Variants in LRMDA observed in about 807,000 individuals in gnomAD.
LRMDA encodes leucine rich melanocyte differentiation associated.
In LRMDA, 18 loss-of-function variants were observed where a neutral mutation model predicts 29.8. The ratio of observed to expected loss-of-function variants is 0.60; its 90% CI spans 0.42 to 0.90. The LOEUF (loss-of-function observed/expected upper bound fraction) is 0.90, where lower values mean the gene tolerates loss of function less well. Among genes scored for constraint, LRMDA ranks in the 40% least tolerant of loss-of-function variants. LRMDA has a pLI of 0.00. For synonymous variants in LRMDA, 125 were observed against 109.4 expected, an observed-to-expected ratio of 1.14 and a Z score of -0.89; for missense variants, 273 against 273.9, an observed-to-expected ratio of 1.00 and a Z score of 0.02.
chr10:75,961,843 A>G (rs758507646), intron 2 of LRMDA, among the ~76,000 whole-genome samples: 5 of 152,212 alleles, frequency 3.3e-5, no homozygotes, highest in Non-Finnish European at 7.3e-5. Flanking sequence ...CGAATTCAAG[A>G]TGTCAGTCGG....
intron 6 of LRMDA, among the ~76,000 whole-genome samples, chr10:76,379,089 T>C (rs971381446): frequency 6.6e-6 from 1 of 151,910 alleles, no homozygotes; most frequent in African/African-American, 2.4e-5. Context: ...ACTCCTGACC[T>C]CAGGTGATCC....
intron 5 of LRMDA, among the ~76,000 whole-genome samples, chr10:76,077,584 T>C (rs560677089): frequency 2.0e-5 from 3 of 152,184 alleles, no homozygotes; most frequent in Non-Finnish European, 4.4e-5. Flanking sequence ...TCCAAGGTCA[T>C]AGTTTCTCAG....
chr10:76,427,630 C>G (rs1355623331), intron 6 of LRMDA, among the ~76,000 whole-genome samples: 1 of 152,154 alleles, frequency 6.6e-6, no homozygotes, highest in Non-Finnish European at 1.5e-5. Flanking sequence ...GCCAGAACCT[C>G]CAACACTATG....
chr10:76,153,030 G>A (rs4480479), intron 5 of LRMDA, among the ~76,000 whole-genome samples: 79,851 of 151,612 alleles, frequency 0.53, 21,111 homozygotes, highest in East Asian at 0.61. Context: ...TAGTAGAGAC[G>A]GGGTTTCACC....
chr10:75,528,968 C>G (rs1373607931), intron 2 of LRMDA, among the ~76,000 whole-genome samples: 2 of 151,968 alleles, frequency 1.3e-5, no homozygotes, highest in South Asian at 4.2e-4. Context: ...AGGCAATTTT[C>G]TTAGAAAGCA....
chr10:76,267,831 A>G (rs557349032), intron 5 of LRMDA, among the ~76,000 whole-genome samples: 1 of 152,286 alleles, frequency 6.6e-6, no homozygotes, highest in South Asian at 2.1e-4. Context: ...TACCCAATCT[A>G]TTGACCCTTG....
chr10:75,988,113 T>C (rs1031452023), intron 2 of LRMDA, among the ~76,000 whole-genome samples: 1 of 152,214 alleles, frequency 6.6e-6, no homozygotes, highest in African/African-American at 2.4e-5. Context: ...TCTTAGGATG[T>C]TGTGTTTGCC....
intron 2 of LRMDA, among the ~76,000 whole-genome samples, chr10:75,912,872 A>T (rs1271966142): frequency 2.6e-5 from 4 of 152,142 alleles, no homozygotes; most frequent in Non-Finnish European, 5.9e-5. Context: ...CAAACTGAGG[A>T]GAGACAAGTG....
rs1850006636 is a variant in LRMDA at position 76,132,268 on chromosome 10, G to C, written c.516+73485G>C. On this transcript the variant is annotated intron_variant, in intron 5 of 6. Coordinates refer to ENST00000611255, the MANE Select transcript of LRMDA (RefSeq NM_001305581.2). The stretch of plus-strand genomic sequence containing the variant: ...AGCCCAAGAAGCAGGAAGGCAGGGT[G>C]AGAGCAGACCTGTGCTTGAGAGATG... Among the ~76,000 whole-genome samples the C allele has an allele frequency of 2.0e-5, 3 of 152,304 alleles. No homozygotes were observed. In the South Asian group the frequency reaches 6.2e-4, roughly 32 times the overall value.
intron 2 of LRMDA, among the ~76,000 whole-genome samples, chr10:75,527,242 G>C (rs972514027): frequency 6.6e-6 from 1 of 152,182 alleles, no homozygotes; most frequent in Non-Finnish European, 1.5e-5. Flanking sequence ...ATATTCCACT[G>C]TAGGGATGCC....
In LRMDA at chr10:75,776,595, G is replaced by C. The variant is rs1843314282; in HGVS notation, c.132-259413G>C. On this transcript the variant is annotated intron_variant, in intron 2 of 6. Coordinates refer to ENST00000611255, the MANE Select transcript of LRMDA (RefSeq NM_001305581.2). ...TATTTTGGGATTCATATTTGTATCA[G>C]TTACCAGAGATTGGTTCCCCTAAGT... 2.6e-5 allele frequency among the ~76,000 whole-genome samples: 4 copies of C among 152,288 alleles called. 1 individual carries two copies. In the Middle Eastern group the frequency reaches 0.01, roughly 388 times the overall value.
chr10:76,398,876 C>T (rs1841818163), intron 6 of LRMDA, among the ~76,000 whole-genome samples: 2 of 152,196 alleles, frequency 1.3e-5, no homozygotes, highest in Non-Finnish European at 2.9e-5. Flanking sequence ...ATCATTTCTT[C>T]ACTTGGAAAA....
intron 3 of LRMDA, among the ~76,000 whole-genome samples, chr10:76,041,093 A>T (rs1162782736): frequency 1.3e-5 from 2 of 152,186 alleles, no homozygotes; most frequent in Non-Finnish European, 2.9e-5. Flanking sequence ...ACTTCAGCAT[A>T]TTGTTGAGAG....
intron 2 of LRMDA, among the ~76,000 whole-genome samples, chr10:75,795,713 TCTTTGGGTTTCCATATAAACTGAGGTC>T (rs1309162452): frequency 7.2e-5 from 11 of 152,308 alleles, no homozygotes; most frequent in South Asian, 2.1e-4. Flanking sequence ...TTTCACCTGT[TCTTTGGGTTTCCATATAAACTGAGGTC>T]CTTTGGGTTT....
chr10:75,853,287 C>A (rs1844763867), intron 2 of LRMDA, among the ~76,000 whole-genome samples: 1 of 152,146 alleles, frequency 6.6e-6, no homozygotes, highest in Non-Finnish European at 1.5e-5. Context: ...CCCAATTCCC[C>A]TAGTGGCCAG....
At chr10:76,437,211 GTCTC>G (rs1842254264) in intron 6 of LRMDA, among the ~76,000 whole-genome samples, 1 of 152,184 alleles carries the variant, frequency 6.6e-6, no homozygotes, top group Admixed American at 6.5e-5. Context: ...GGCTCAGCTG[GTCTC>G]ATTCCTCTGC....
In LRMDA at chr10:75,472,693, T is replaced by C. The variant is rs911376263; in HGVS notation, c.131+34199T>C. Among the ~76,000 whole-genome samples, 3 of 152,194 alleles carry C rather than the reference T, an allele frequency of 2.0e-5. No individual in the cohort carries two copies. The South Asian group carries it at 6.2e-4, about 32-fold the overall frequency. Reference sequence around the variant, plus strand: ...AGAAAAATCTAGTCCATCATGTATATGGTGTATGCTTTTCATTTCAAAGAG... The same window carrying C: ...AGAAAAATCTAGTCCATCATGTATACGGTGTATGCTTTTCATTTCAAAGAG... On this transcript the variant is annotated intron_variant, in intron 2 of 6. Transcript: ENST00000611255.
intron 2 of LRMDA, among the ~76,000 whole-genome samples, chr10:75,981,878 TG>T (rs1847178319): frequency 7.0e-6 from 1 of 143,358 alleles, no homozygotes; most frequent in African/African-American, 2.6e-5. Context: ...AGTGAGTGAG[TG>T]ATAGGATGGA....
chr10:76,345,191 C>T (rs78490434), intron 6 of LRMDA, among the ~76,000 whole-genome samples: 62 of 149,402 alleles, frequency 4.1e-4, no homozygotes, highest in African/African-American at 1.3e-3. Flanking sequence ...CTCAGCCTCC[C>T]GAGTAGCTGG....
Sources: allele counts gnomAD v4.1 joint callset (sites outside exome capture counted in the v4.1 genomes callset), GRCh38; gene constraint gnomAD v4.1.1; transcripts MANE v1.5; gene names NCBI Gene and HGNC (gene_info 2026-07-23, HGNC 2026-07-21).